The following CORO7 variants were observed in gnomAD, a reference collection of about 807,000 sequenced individuals.
The protein encoded by CORO7 is coronin 7, also known as coronin-7.
Under a neutral mutation model 126.6 loss-of-function variants are expected in CORO7, and 107 were observed. That is an observed-to-expected ratio of 0.85 (90% CI 0.72 to 0.99). The LOEUF (loss-of-function observed/expected upper bound fraction) is 0.99, where lower values mean the gene tolerates loss of function less well. Among genes scored for constraint, CORO7 ranks in the 50% least tolerant of loss-of-function variants. The pLI is 0.00. For missense variants in CORO7, 1,314 were observed against 1,255.8 expected (o/e 1.05, Z -0.70); for synonymous variants, 603 against 536.8 (o/e 1.12, Z -1.70).
chr16:4,383,974 G>A (rs2055099196), intron 9 of CORO7, among the ~76,000 whole-genome samples: 1 of 152,190 alleles, frequency 6.6e-6, no homozygotes, highest in South Asian at 2.1e-4. Context: ...ACAGCGTCCC[G>A]GGAGAGCCAA....
intron 9 of CORO7, chr16:4,382,800 T>C: frequency 6.3e-7 from 1 of 1,590,316 alleles, no homozygotes; most frequent in Non-Finnish European, 8.6e-7. Flanking sequence ...CAGAGGGCGG[T>C]GGAGAGGCCC....
Position 4,360,329 on chromosome 16 carries a change from C to A in CORO7, c.2057G>T (p.Arg686Leu). Residue 686 changes from arginine to leucine, a missense_variant, in exon 21 of 28, where the codon CGC becomes CTC. Arg to Leu is a moderately radical substitution (Grantham distance 102). Coordinates refer to ENST00000251166, the MANE Select transcript of CORO7 (RefSeq NM_024535.5). Reference protein sequence around the residue: ...GPGPKGGRGARIVWVCDGRCL... With the variant: ...GPGPKGGRGALIVWVCDGRCL... ...GCGACCATCACATACCCAGACAATG[C>A]GAGCTCCGCGTCCTCCCTTGGGCCC... The A allele has an allele frequency of 6.2e-7, 1 of 1,613,706 alleles. No individual in the cohort carries two copies. Among genetic ancestry groups the A allele is most frequent in the Non-Finnish European group, 8.5e-7 (1 of 1,179,998 alleles).
At chr16:4,358,568 T>G in intron 23 of CORO7, 85 bp from the exon 24 acceptor site, 1 of 1,318,348 alleles carries the variant, frequency 7.6e-7, no homozygotes. Context: ...CCGGCACCCC[T>G]CACTTAGGAC....
At chr16:4,357,339 T>C in intron 25 of CORO7, 80 bp from the exon 26 acceptor site, 2 of 1,313,704 alleles carry the variant, frequency 1.5e-6, no homozygotes, top group Non-Finnish European at 2.0e-6. Flanking sequence ...GATTTCTTTC[T>C]TTCTTTTCTT....
At chr16:4,392,786 G>A (rs2055440180) in intron 7 of CORO7, among the ~76,000 whole-genome samples, 1 of 152,250 alleles carries the variant, frequency 6.6e-6, no homozygotes, top group East Asian at 1.9e-4. Flanking sequence ...GATGCCCTGG[G>A]CGGAAGTGGG....
rs1044399550 is a variant in CORO7 at position 4,385,582 on chromosome 16, C to A, written c.785+2404G>T. On this transcript the variant is annotated intron_variant, in intron 9 of 27. Transcript: ENST00000251166. ...GCCAGTCCCTCTCGTTATCCCCCCACCTCCACCCTGCGCCAAGCATGGTAC... is the reference window on the plus strand; with the variant it reads ...GCCAGTCCCTCTCGTTATCCCCCCAACTCCACCCTGCGCCAAGCATGGTAC... Among the ~76,000 whole-genome samples the A allele has an allele frequency of 2.0e-5, 3 of 152,324 alleles. No homozygotes were observed. The South Asian group carries it at 6.2e-4, about 32-fold the overall frequency.
rs2055279600 is a variant in CORO7, at chr16:4,388,640, G to A, written c.616-9C>T. On this transcript the variant is annotated splice_polypyrimidine_tract_variant and intron_variant, in intron 7 of 27. Transcript: ENST00000251166. ...TCATGGGCCTGCGTGCTCTGCAGGA[G>A]GCAAGAGGTGGACCTGAGCCCCCAG... 2 of 1,608,226 alleles carry A rather than the reference G, an allele frequency of 1.2e-6. No individual in the cohort carries two copies. The highest frequency in any genetic ancestry group is 1.1e-5 in the South Asian group (1 of 89,970).
At chr16:4,390,607 G>C (rs1412939801) in intron 7 of CORO7, among the ~76,000 whole-genome samples, 1 of 152,198 alleles carries the variant, frequency 6.6e-6, no homozygotes, top group Admixed American at 6.5e-5. Flanking sequence ...GCTGGGCCAA[G>C]CCTGCAGGGT....
chr16:4,382,881 C>T (rs577139431), intron 9 of CORO7: 22 of 1,545,104 alleles, frequency 1.4e-5, no homozygotes, highest in Admixed American at 8.0e-5. Context: ...CACCCCTCCA[C>T]GCAAAGCCCT....
At chr16:4,378,627 G>A (rs1413683807) in intron 9 of CORO7, among the ~76,000 whole-genome samples, 1 of 152,120 alleles carries the variant, frequency 6.6e-6, no homozygotes, top group East Asian at 1.9e-4. Context: ...GAGCCCCCCT[G>A]GGGTGGGCTG....
chr16:4,377,363 T>C, intron 9 of CORO7, among the ~76,000 whole-genome samples: 1 of 116,274 alleles, frequency 8.6e-6, no homozygotes, highest in Non-Finnish European at 1.9e-5. Context: ...GGAGGGTGGG[T>C]GGGCGGCGGC....
intron 2 of CORO7, chr16:4,412,641 A>T: frequency 1.7e-6 from 1 of 572,502 alleles, no homozygotes; most frequent in Non-Finnish European, 3.1e-6. Context: ...ATGGATACAG[A>T]AGACATTAGG....
intron 6 of CORO7, among the ~76,000 whole-genome samples, chr16:4,404,155 G>A (rs755126589): frequency 1.7e-4 from 26 of 152,206 alleles, no homozygotes; most frequent in Non-Finnish European, 3.2e-4. Flanking sequence ...CAAGTATGCA[G>A]AGCCCTGGGG....
chr16:4,408,098 C>G, intron 4 of CORO7, 83 bp downstream of exon 4: 1 of 1,600,720 alleles, frequency 6.2e-7, no homozygotes, highest in South Asian at 1.1e-5. Context: ...GCAGCAGAGC[C>G]CTGTGGGGAT....
At chr16:4,358,162 C>A in intron 24 of CORO7, 59 bp from the exon 25 acceptor site, 2 of 1,579,402 alleles carry the variant, frequency 1.3e-6, no homozygotes, top group Admixed American at 3.4e-5. Context: ...GGCACACGGG[C>A]ATCTGTTGGG....
At chr16:4,365,672 G>T in intron 9 of CORO7, 127 bp from the exon 10 acceptor site, 2 of 1,291,476 alleles carry the variant, frequency 1.5e-6, no homozygotes, top group African/African-American at 1.5e-5. Flanking sequence ...GCCATGTTCA[G>T]CCTGGTCCCC....
At chr16:4,379,412 CA>C (rs2054871483) in intron 9 of CORO7, among the ~76,000 whole-genome samples, 1 of 152,054 alleles carries the variant, frequency 6.6e-6, no homozygotes, top group Non-Finnish European at 1.5e-5. Context: ...TTGGGCAGTG[CA>C]GCTAAGATCT....
chr16:4,384,121 G>A (rs990196936), intron 9 of CORO7, among the ~76,000 whole-genome samples: 6 of 152,224 alleles, frequency 3.9e-5, no homozygotes, highest in Admixed American at 2.6e-4. Context: ...CAAAGGCAGG[G>A]ACCCCATGGG....
At chr16:4,383,669 C>T (rs1442997779) in intron 9 of CORO7, 1 of 165,378 alleles carries the variant, frequency 6.0e-6, no homozygotes, top group Non-Finnish European at 1.5e-5. Context: ...TGCCATCCAC[C>T]CTAGGCTTGA....
Sources: gnomAD v4.1 joint callset for allele counts (sites outside exome capture counted in the v4.1 genomes callset) on GRCh38, gnomAD v4.1.1 for gene constraint, MANE v1.5 for transcripts, NCBI Gene and HGNC (gene_info 2026-07-23, HGNC 2026-07-21) for gene names.